The following FAT1 variants were observed in gnomAD, a reference collection of about 807,000 sequenced individuals.
FAT1 encodes protocadherin Fat 1.
Under a neutral mutation model 329.8 loss-of-function variants are expected in FAT1, and 171 were observed. That is an observed-to-expected ratio of 0.52 (90% CI 0.46 to 0.59). The LOEUF is 0.59. Among genes scored for constraint, FAT1 ranks in the 20% least tolerant of loss-of-function variants. The pLI is 0.00. For synonymous variants in FAT1, 2,233 were observed against 2,228.6 expected, an observed-to-expected ratio of 1.00 and a Z score of -0.06; for missense variants, 5,672 against 5,774.4, an observed-to-expected ratio of 0.98 and a Z score of 0.57.
chr4:186,712,067 T>C (rs1319302473), intron 1 of FAT1, among the ~76,000 whole-genome samples: 1 of 152,240 alleles, frequency 6.6e-6, no homozygotes, highest in Non-Finnish European at 1.5e-5. Context: ...TTGCAAGTAC[T>C]AGAAGTATTT....
At chr4:186,694,861 C>T (rs2017933) in intron 2 of FAT1, among the ~76,000 whole-genome samples, 32,100 of 152,098 alleles carry the variant, frequency 0.21, 4,318 homozygotes, top group African/African-American at 0.38. Context: ...ACTTGGGAGG[C>T]TGAAGCAGAA....
chr4:186,713,295 A>G (rs1745050781), intron 1 of FAT1, among the ~76,000 whole-genome samples: 1 of 152,090 alleles, frequency 6.6e-6, no homozygotes, highest in African/African-American at 2.4e-5. Flanking sequence ...CAGTTTCCAG[A>G]AGTACTAGTC....
In FAT1 at chr4:186,618,639, GT is replaced by G; in HGVS notation, c.7946del (p.Asn2649ThrfsTer6). ...SESVKENLEI[N>X]KLSGVITTKE... ...TTGTAGTGATTACGCCGGACAGTTTGTTAATTTCCAAATTCTCTTTTACACT... is the reference window on the plus strand; with the variant it reads ...TTGTAGTGATTACGCCGGACAGTTTGTAATTTCCAAATTCTCTTTTACACT... On this transcript the variant is annotated frameshift_variant, in exon 10 of 27. Transcript: ENST00000441802. LOFTEE classifies it high-confidence loss of function. 1 of 1,614,040 alleles carries G rather than the reference GT, an allele frequency of 6.2e-7. No homozygotes were observed. The highest frequency in any genetic ancestry group is 8.5e-7 in the Non-Finnish European group (1 of 1,179,894).
chr4:186,717,337 A>G (rs892583697), intron 1 of FAT1, among the ~76,000 whole-genome samples: 2 of 152,188 alleles, frequency 1.3e-5, no homozygotes, highest in African/African-American at 4.8e-5. Flanking sequence ...GTGACCCTAG[A>G]AATTGAGCAG....
intron 9 of FAT1, among the ~76,000 whole-genome samples, chr4:186,622,097 A>G (rs546089913): frequency 6.6e-6 from 1 of 152,356 alleles, no homozygotes; most frequent in South Asian, 2.1e-4. Context: ...TCCTTCCACA[A>G]AGCAGTTGAG....
At chr4:186,694,082 C>T (rs1743917050) in intron 2 of FAT1, among the ~76,000 whole-genome samples, 1 of 151,650 alleles carries the variant, frequency 6.6e-6, no homozygotes, top group African/African-American at 2.4e-5. Flanking sequence ...TCATCTAACC[C>T]ATCCACCATC....
chr4:186,669,560 G>A (rs1337175393), intron 2 of FAT1, among the ~76,000 whole-genome samples: 1 of 152,110 alleles, frequency 6.6e-6, no homozygotes, highest in East Asian at 1.9e-4. Context: ...GAAAGAAGCC[G>A]GAAATTTGGA....
chr4:186,618,744 T>G lies in FAT1; in HGVS notation c.7842A>C (p.Ser2614=). 1 of 1,614,038 alleles carries G rather than the reference T, an allele frequency of 6.2e-7. No individual in the cohort carries two copies. The highest frequency in any genetic ancestry group is 8.5e-7 in the Non-Finnish European group (1 of 1,179,892). ...CATCACTTGCAAGAACTTTAACGAC[T>G]GAAGTCCCTTTAGCAGCACTGGACC... is the stretch of plus-strand genomic sequence containing the variant. ...NIGSSAAKGT[S]VVKVLASDAD... is the part of the protein sequence containing the mutation. The change falls in exon 10 of 27, where the codon TCA becomes TCC. Residue 2614 remains serine, a synonymous_variant. Transcript: ENST00000441802.
Position 186,628,472 on chromosome 4 carries a change from C to G in FAT1, c.4599+16G>C. 1.2e-6 allele frequency: 2 copies of G among 1,613,430 alleles called. No individual in the cohort carries two copies. Among genetic ancestry groups the G allele is most frequent in the Non-Finnish European group, 1.7e-6 (2 of 1,179,464 alleles). Reference sequence around the variant, plus strand: ...TCAGGACCAAATGGTGGGAGGAGAGCGGGTAGAGCGCCTACCATGACCGTG... The same window carrying G: ...TCAGGACCAAATGGTGGGAGGAGAGGGGGTAGAGCGCCTACCATGACCGTG... On this transcript the variant is annotated intron_variant, in intron 8 of 26. Coordinates refer to ENST00000441802, the MANE Select transcript of FAT1 (RefSeq NM_005245.4).
Position 186,603,462 on chromosome 4 carries a change from A to G in FAT1, c.11064T>C (p.Pro3688=), listed in dbSNP as rs996275505. 4.3e-6 allele frequency: 7 copies of G among 1,613,870 alleles called. No homozygotes were observed. The African/African-American group carries it at 9.3e-5, about 22-fold the overall frequency. The change falls in exon 19 of 27, where the codon CCT becomes CCC. Residue 3688 remains proline, a synonymous_variant. Transcript: ENST00000441802. ...IQIVSLQSSE[P]HPHLDVLLFV... is the part of the protein sequence containing the mutation. ...AAAGTAAGACGTCCAGATGTGGGTGAGGTTCAGAGGACTGCAAACTAACAA... is the reference window on the plus strand; with the variant it reads ...AAAGTAAGACGTCCAGATGTGGGTGGGGTTCAGAGGACTGCAAACTAACAA...
chr4:186,598,212 T>G, intron 22 of FAT1, 87 bp from the exon 23 acceptor site: 1 of 1,279,830 alleles, frequency 7.8e-7, no homozygotes, highest in Non-Finnish European at 1.0e-6. Flanking sequence ...ATCTTTATTC[T>G]CCGAGGTCTG....
chr4:186,697,806 T>G (rs1284109114), intron 2 of FAT1, among the ~76,000 whole-genome samples: 2 of 152,194 alleles, frequency 1.3e-5, no homozygotes, highest in South Asian at 2.1e-4. Flanking sequence ...TCCTCCTTTA[T>G]GAGAATTTGT....
chr4:186,600,187 T>A lies in FAT1; in HGVS notation c.11814A>T (p.Pro3938=), dbSNP rs1225156218. ...DQVHTASGTA[P]GTLKTLNLDN... is the part of the protein sequence containing the mutation. ...CCAGGTTCAGGGTTTTCAGAGTCCC[T>A]GGGGCTGTGCCCGATGCAGTATGAA... is the stretch of plus-strand genomic sequence containing the variant. Residue 3938 remains proline, a synonymous_variant, in exon 22 of 27, where the codon CCA becomes CCT. Coordinates refer to ENST00000441802, the MANE Select transcript of FAT1 (RefSeq NM_005245.4). The A allele has an allele frequency of 8.7e-6, 14 of 1,613,972 alleles. No individual in the cohort carries two copies. The highest frequency in any genetic ancestry group is 1.7e-5 in the Admixed American group (1 of 60,004).
intron 10 of FAT1, 116 bp downstream of exon 10, chr4:186,617,591 AT>A: frequency 1.2e-6 from 1 of 830,672 alleles, no homozygotes. Flanking sequence ...TATTTTAGAT[AT>A]TTTTAACTAA....
rs1377703554 is a variant in FAT1, at chr4:186,603,710, C to T, written c.10816G>A (p.Asp3606Asn). 6.2e-7 allele frequency: 1 copy of T among 1,613,870 alleles called. No homozygotes were observed. Among genetic ancestry groups the T allele is most frequent in the African/African-American group, 1.3e-5 (1 of 74,918 alleles). The change falls in exon 19 of 27, where the codon GAC (aspartate) becomes AAC (asparagine). Residue 3606 changes from aspartate to asparagine, a missense_variant. Physicochemically the swap from Asp to Asn is conservative, Grantham distance 23 (BLOSUM62 1). Transcript: ENST00000441802. ...GGKLIAHKKL[D>N]IGQYLLNVSV... ...ACATTGAGAAGGTATTGCCCTATGT[C>T]TAGCTTTTTGTGTGCTATCAGCTTG... is the stretch of plus-strand genomic sequence containing the variant.
intron 3 of FAT1, among the ~76,000 whole-genome samples, chr4:186,643,808 A>T (rs1413078695): frequency 4.2e-5 from 1 of 23,896 alleles, no homozygotes; most frequent in African/African-American, 1.6e-4. Flanking sequence ...ACCCCCACCC[A>T]CTTGAAACAT....
intron 3 of FAT1, among the ~76,000 whole-genome samples, chr4:186,645,366 CATATATATATATATATAT>C (rs70964973): frequency 0.037 from 1,303 of 35,374 alleles, 34 homozygotes; most frequent in Non-Finnish European, 0.049. Context: ...TACTTCATTA[CATATATATATATATATAT>C]ATATATATAT....
Position 186,588,749 on chromosome 4 carries a change from A to G in FAT1, c.13610T>C (p.Met4537Thr), listed in dbSNP as rs1391697937. The G allele has an allele frequency of 6.2e-7, 1 of 1,613,812 alleles. No homozygotes were observed. The highest frequency in any genetic ancestry group is 1.3e-5 in the African/African-American group (1 of 74,916). The change falls in exon 27 of 27, where the codon ATG becomes ACG. Residue 4537 changes from methionine (M) to threonine (T), a missense_variant. Physicochemically the swap from Met to Thr is moderately conservative, Grantham distance 81. Coordinates refer to ENST00000441802, the MANE Select transcript of FAT1 (RefSeq NM_005245.4). ...FEAPAVESMP[M>T]SVYASTASCS... ...GGAGGCGGTGGAGGCGTACACAGAC[A>G]TGGGCATGCTCTCGACAGCGGGCGC...
At chr4:186,704,150 C>A (rs1744464827) in intron 2 of FAT1, among the ~76,000 whole-genome samples, 1 of 152,162 alleles carries the variant, frequency 6.6e-6, no homozygotes, top group African/African-American at 2.4e-5. Context: ...AAATGACCTA[C>A]AAATTTCCAG....
Sources: allele counts gnomAD v4.1 joint callset (sites outside exome capture counted in the v4.1 genomes callset), GRCh38; gene constraint gnomAD v4.1.1; transcripts MANE v1.5; gene names NCBI Gene and HGNC (gene_info 2026-07-23, HGNC 2026-07-21).